USP28: variants seen among roughly 807,000 people sequenced by gnomAD.
USP28 encodes the protein ubiquitin carboxyl-terminal hydrolase 28.
Under a neutral mutation model 145.0 loss-of-function variants are expected in USP28, and 113 were observed. The observed-to-expected ratio is 0.78, with a 90% CI of 0.67 to 0.91. The LOEUF (loss-of-function observed/expected upper bound fraction) is 0.91. USP28 is among the 40% of genes least tolerant of loss of function. The probability of loss-of-function intolerance (pLI) is 0.00; values close to 1 mark genes in which losing one functional copy is unlikely to be tolerated. For synonymous variants in USP28, 447 were observed against 450.9 expected (o/e 0.99, Z 0.11); for missense variants, 1,201 against 1,289.6 (o/e 0.93, Z 1.05).
intron 3 of USP28, among the ~76,000 whole-genome samples, chr11:113,850,952 T>C (rs1217017001): frequency 6.6e-6 from 1 of 152,190 alleles, no homozygotes; most frequent in Non-Finnish European, 1.5e-5. Flanking sequence ...AACTGATCTC[T>C]TCATCTACCA....
chr11:113,803,352 TC>T, intron 22 of USP28, 71 bp from the exon 24 acceptor site: 1 of 1,462,460 alleles, frequency 6.8e-7, no homozygotes, highest in Non-Finnish European at 9.1e-7. Flanking sequence ...ACCTCACTTT[TC>T]CCCATTTCAA....
At chr11:113,800,211 G>A (rs1328289430) in intron 24 of USP28, among the ~76,000 whole-genome samples, 1 of 151,830 alleles carries the variant, frequency 6.6e-6, no homozygotes, top group Non-Finnish European at 1.5e-5. Flanking sequence ...TTCACCATGT[G>A]AGCCAGGATG....
chr11:113,830,827 A>G lies in USP28; in HGVS notation c.910+40T>C, dbSNP rs1046702170. The G allele has an allele frequency of 3.1e-6, 5 of 1,593,352 alleles. No individual in the cohort carries two copies. The African/African-American group carries it at 6.8e-5, about 22-fold the overall frequency. On this transcript the variant is annotated intron_variant, in intron 9 of 24. Transcript: ENST00000003302. ...AAAGGGACACAGTAATAAAGATATG[A>G]TCAAAGGTCTAGAATTAAAATTCAG...
intron 1 of USP28, among the ~76,000 whole-genome samples, chr11:113,863,794 A>C (rs1947968786): frequency 6.6e-6 from 1 of 151,514 alleles, no homozygotes; most frequent in Non-Finnish European, 1.5e-5. Context: ...AAATACAAAA[A>C]ATTAGCCGGG....
intron 1 of USP28, among the ~76,000 whole-genome samples, chr11:113,871,347 A>C (rs1252140545): frequency 6.6e-6 from 1 of 152,196 alleles, no homozygotes; most frequent in Non-Finnish European, 1.5e-5. Flanking sequence ...GACTAGGACT[A>C]AGGAGAAGGG....
At position 113,804,547 on chromosome 11, in the gene USP28, G is replaced by T. The variant is rs1262543478; in HGVS notation, c.2658+126C>A. On this transcript the variant is annotated intron_variant, in intron 21 of 24. Transcript: ENST00000003302. ...ATATCATTTATCCATTCTTTACCAG[G>T]ATTTTGAGGGGAAAGTGGAAGAACA... is the stretch of plus-strand genomic sequence containing the variant. 3.9e-6 allele frequency: 3 copies of T among 774,026 alleles called. No homozygotes were observed. In the East Asian group the frequency reaches 7.8e-5, roughly 20 times the overall value. The allele number at this position is 774,026 out of a possible 1,614,324, so 47.9% of individuals were successfully genotyped here. A position where few individuals can be genotyped will look rare whatever the true frequency, so the allele number is the denominator to read the frequency against.
At chr11:113,799,463 G>C (rs115538988) in intron 24 of USP28, 48 bp from the exon 26 acceptor site, 1 of 1,570,602 alleles carries the variant, frequency 6.4e-7, no homozygotes, top group Non-Finnish European at 8.6e-7. Context: ...ACAGATTTCT[G>C]AGTAAAAGTG....
chr11:113,852,037 T>C (rs1946519692), intron 3 of USP28, among the ~76,000 whole-genome samples: 1 of 152,302 alleles, frequency 6.6e-6, no homozygotes, highest in African/African-American at 2.4e-5. Context: ...AACTTTTTTT[T>C]TCTTTTTAAG....
chr11:113,870,713 A>C (rs944714462), intron 1 of USP28, among the ~76,000 whole-genome samples: 1 of 152,212 alleles, frequency 6.6e-6, no homozygotes, highest in Non-Finnish European at 1.5e-5. Flanking sequence ...TTGCCACCTT[A>C]AGCTCTGTAG....
intron 23 of USP28, among the ~76,000 whole-genome samples, chr11:113,802,548 A>T (rs1358954334): frequency 6.6e-6 from 1 of 152,164 alleles, no homozygotes; most frequent in Non-Finnish European, 1.5e-5. Context: ...ACATCACATA[A>T]ACCCCTGGGG....
chr11:113,822,007 TATC>T (rs961681856), intron 12 of USP28: 8 of 152,144 alleles, frequency 5.3e-5, no homozygotes, highest in Non-Finnish European at 7.4e-5. Context: ...ACAAAAGTAT[TATC>T]ATGCTAAGGA....
intron 10 of USP28, chr11:113,828,705 C>T (rs896632249): frequency 1.6e-5 from 5 of 308,642 alleles, no homozygotes; most frequent in South Asian, 2.8e-5. Flanking sequence ...TAACTTCCCC[C>T]GTCTTTCCAA....
intron 3 of USP28, among the ~76,000 whole-genome samples, chr11:113,843,002 G>A (rs1945379714): frequency 6.6e-6 from 1 of 151,820 alleles, no homozygotes; most frequent in South Asian, 2.1e-4. Flanking sequence ...AGGTCAAGAT[G>A]GGAGGATCAG....
At chr11:113,804,567 A>G in intron 21 of USP28, 106 bp downstream of exon 22, 1 of 967,652 alleles carries the variant, frequency 1.0e-6, no homozygotes, top group Non-Finnish European at 1.5e-6. Context: ...GGAAAGTGGA[A>G]GAACAAGTCA....
rs547597724 is a variant in USP28, at chr11:113,830,358, T to C, written c.910+509A>G. 8.5e-5 allele frequency among the ~76,000 whole-genome samples: 13 copies of C among 152,300 alleles called. 1 individual carries two copies. In the South Asian group the frequency reaches 2.7e-3, roughly 32 times the overall value. On this transcript the variant is annotated intron_variant, in intron 9 of 24. Coordinates refer to ENST00000003302, the Ensembl canonical transcript of USP28. ...AGAGTGGGGTGAGATGGGGAATGACTGGCTGTGGGCTAAGGCTGGGTTCAT... is the reference window on the plus strand; with the variant it reads ...AGAGTGGGGTGAGATGGGGAATGACCGGCTGTGGGCTAAGGCTGGGTTCAT...
intron 7 of USP28, among the ~76,000 whole-genome samples, chr11:113,832,716 A>G (rs965267337): frequency 1.3e-5 from 2 of 152,086 alleles, no homozygotes; most frequent in African/African-American, 4.8e-5. Flanking sequence ...ATAGAGAAAG[A>G]AAAAAAATCA....
exon 16 of USP28, chr11:113,812,492 A>G: frequency 6.2e-7 from 1 of 1,614,030 alleles, no homozygotes; most frequent in Non-Finnish European, 8.5e-7. Context: ...ACTGCATGCA[A>G]GCGATAAGGC....
In USP28 at chr11:113,833,518, A is replaced by G. The variant is rs373668197; in HGVS notation, c.661T>C (p.Leu221=). ...TTTGATCCCATCATTAGAGCAAACA[A>G]ATACTGAAGCTCTTGCATAAACATG... Residue 221 remains leucine (L), a synonymous_variant, in exon 7 of 25, where the codon TTG becomes CTG. Transcript: ENST00000003302. 9 of 1,614,048 alleles carry G rather than the reference A, an allele frequency of 5.6e-6. No homozygotes were observed. In the African/African-American group the frequency reaches 1.1e-4, roughly 19 times the overall value.
chr11:113,810,941 C>T (rs541181498), intron 16 of USP28, among the ~76,000 whole-genome samples: 1 of 152,352 alleles, frequency 6.6e-6, no homozygotes, highest in Admixed American at 6.5e-5. Flanking sequence ...TCCCAAAGTG[C>T]TGGGATTACA....
Sources: allele counts gnomAD v4.1 joint callset (sites outside exome capture counted in the v4.1 genomes callset), GRCh38; gene constraint gnomAD v4.1.1; transcripts MANE v1.5; gene names NCBI Gene and HGNC (gene_info 2026-07-23, HGNC 2026-07-21).